TLL1: variants seen among roughly 807,000 people sequenced by gnomAD.
The protein encoded by TLL1 is tolloid-like protein 1.
TLL1 carries 49 observed loss-of-function variants against 128.2 expected under a neutral mutation model. That is an observed-to-expected ratio of 0.38 (90% CI 0.30 to 0.48). The LOEUF is 0.48. Ranked by LOEUF, TLL1 falls within the 20% of genes least tolerant of loss-of-function variation. The pLI, the probability that TLL1 is intolerant of heterozygous loss-of-function variation, is 0.96. For synonymous variants in TLL1, 454 were observed against 418.8 expected (o/e 1.08, Z -1.03); for missense variants, 1,123 against 1,242.0 (o/e 0.90, Z 1.44).
intron 1 of TLL1, among the ~76,000 whole-genome samples, chr4:165,880,147 C>T (rs1730912506): frequency 6.6e-6 from 1 of 152,074 alleles, no homozygotes; most frequent in South Asian, 2.1e-4. Context: ...AGGAGAGAAT[C>T]CCTTGCTTAT....
intron 1 of TLL1, among the ~76,000 whole-genome samples, chr4:165,894,262 C>T (rs1209421264): frequency 1.3e-5 from 2 of 152,172 alleles, no homozygotes; most frequent in African/African-American, 4.8e-5. Flanking sequence ...TGTCACATTA[C>T]AATCAAGTTG....
chr4:166,006,368 T>C (rs568633967), intron 6 of TLL1, among the ~76,000 whole-genome samples: 4 of 151,946 alleles, frequency 2.6e-5, no homozygotes, highest in Admixed American at 1.3e-4. Flanking sequence ...CTAACAAAAA[T>C]TGTTGTGTCA....
chr4:165,880,738 A>G (rs1350986802), intron 1 of TLL1, among the ~76,000 whole-genome samples: 1 of 152,180 alleles, frequency 6.6e-6, no homozygotes, highest in Non-Finnish European at 1.5e-5. Flanking sequence ...CATTGACGAC[A>G]TTTAATTTGT....
At chr4:166,060,306 T>C in intron 15 of TLL1, 118 bp downstream of exon 15, 1 of 1,116,474 alleles carries the variant, frequency 9.0e-7, no homozygotes, top group African/African-American at 1.6e-5. Flanking sequence ...ATTCTTTCTT[T>C]GTCTTACTGC....
intron 1 of TLL1, among the ~76,000 whole-genome samples, chr4:165,917,372 T>C (rs1732831100): frequency 6.6e-6 from 1 of 152,142 alleles, no homozygotes; most frequent in East Asian, 1.9e-4. Context: ...GGTTATGGTA[T>C]TTCCAGATGT....
chr4:166,031,095 G>A, intron 9 of TLL1: 3 of 793,394 alleles, frequency 3.8e-6, no homozygotes, highest in Non-Finnish European at 4.6e-6. Flanking sequence ...AAATGAAGCT[G>A]CTTAAGATGA....
chr4:166,094,896 T>C (rs1415346206), intron 19 of TLL1, among the ~76,000 whole-genome samples: 5 of 152,094 alleles, frequency 3.3e-5, no homozygotes, highest in South Asian at 4.1e-4. Flanking sequence ...AATGTAAATG[T>C]GTGGGAATTT....
intron 9 of TLL1, among the ~76,000 whole-genome samples, chr4:166,034,170 A>T (rs1305592324): frequency 6.6e-6 from 1 of 152,182 alleles, no homozygotes; most frequent in Non-Finnish European, 1.5e-5. Flanking sequence ...ACTTTGAAAA[A>T]TAACTGAAAA....
chr4:165,992,189 CAG>C (rs994336245), intron 2 of TLL1, among the ~76,000 whole-genome samples: 11 of 151,996 alleles, frequency 7.2e-5, no homozygotes, highest in African/African-American at 2.7e-4. Context: ...CACAGCGTAA[CAG>C]AATATATTTT....
intron 1 of TLL1, among the ~76,000 whole-genome samples, chr4:165,930,480 G>A (rs897564553): frequency 6.6e-6 from 1 of 151,958 alleles, no homozygotes; most frequent in African/African-American, 2.4e-5. Context: ...TTAGAGCAGG[G>A]ATAGCTAAAA....
chr4:165,987,819 T>C (rs1271816110), intron 1 of TLL1, among the ~76,000 whole-genome samples: 1 of 152,100 alleles, frequency 6.6e-6, no homozygotes, highest in Non-Finnish European at 1.5e-5. Context: ...AAGTTTAAAC[T>C]TCATAAATAA....
At chr4:165,931,517 G>C (rs1579502805) in intron 1 of TLL1, among the ~76,000 whole-genome samples, 1 of 146,770 alleles carries the variant, frequency 6.8e-6, no homozygotes. Flanking sequence ...AGGAGATTGA[G>C]ACCTCCTGGC....
chr4:166,075,550 A>G (rs749232331), intron 17 of TLL1, among the ~76,000 whole-genome samples: 24 of 152,182 alleles, frequency 1.6e-4, no homozygotes, highest in Non-Finnish European at 3.2e-4. Context: ...ATACCCTACC[A>G]GATTTCGTCC....
intron 2 of TLL1, 120 bp downstream of exon 2, chr4:165,989,611 C>A: frequency 1.4e-6 from 1 of 694,274 alleles, no homozygotes; most frequent in Non-Finnish European, 2.5e-6. Flanking sequence ...TTCCTATACA[C>A]AAATATACAT....
intron 1 of TLL1, among the ~76,000 whole-genome samples, chr4:165,894,021 G>C (rs1731542763): frequency 6.6e-6 from 1 of 152,154 alleles, no homozygotes; most frequent in African/African-American, 2.4e-5. Context: ...TGGAAACAAT[G>C]GAAATGTTTA....
At position 166,057,293 on chromosome 4, in the gene TLL1, C is replaced by A; in HGVS notation, c.1830C>A (p.Asp610Glu). ...AGCCTGGCTATGAGCTGGGCCCAGA[C>A]AGAAGGAGCTGTGAAGGTATGACTG... ...ACEPGYELGPDRRSCEAACGG... is the reference protein window; with the variant it reads ...ACEPGYELGPERRSCEAACGG... The change falls in exon 14 of 21, where the codon GAC becomes GAA. Residue 610 changes from aspartate to glutamate, a missense_variant. Physicochemically the swap from Asp to Glu is conservative, Grantham distance 45. Around this residue, in one of 3 missense-constraint regions of TLL1, gnomAD observed 634 missense variants for 672.4 expected, o/e 0.94. Transcript: ENST00000061240. The A allele has an allele frequency of 6.2e-7, 1 of 1,613,842 alleles. No individual in the cohort carries two copies. Among genetic ancestry groups the A allele is most frequent in the Non-Finnish European group, 8.5e-7 (1 of 1,179,930 alleles).
At chr4:165,979,037 G>T (rs576350654) in intron 1 of TLL1, among the ~76,000 whole-genome samples, 2 of 148,592 alleles carry the variant, frequency 1.3e-5, no homozygotes, top group African/African-American at 2.6e-5. Context: ...TTCTTTAACT[G>T]GTTGTTCTGT....
At chr4:166,087,693 C>A (rs1579726860) in intron 18 of TLL1, among the ~76,000 whole-genome samples, 1 of 152,134 alleles carries the variant, frequency 6.6e-6, no homozygotes, top group East Asian at 1.9e-4. Flanking sequence ...AGGCCTCATT[C>A]TTTAGCTATT....
chr4:165,884,858 AAAAT>A (rs1374083526), intron 1 of TLL1, among the ~76,000 whole-genome samples: 7 of 152,150 alleles, frequency 4.6e-5, no homozygotes, highest in Non-Finnish European at 7.3e-5. Context: ...TAATAAAAAT[AAAAT>A]AAAATAAATA....
Sources: gnomAD v4.1 joint callset for allele counts (sites outside exome capture counted in the v4.1 genomes callset) on GRCh38, gnomAD v4.1.1 for gene constraint, gnomAD v4.1.1 regional missense constraint, MANE v1.5 for transcripts, NCBI Gene and HGNC (gene_info 2026-07-23, HGNC 2026-07-21) for gene names.